COLEC12: variants seen among roughly 807,000 people sequenced by gnomAD.
The protein encoded by COLEC12 is collectin subfamily member 12, also known as collectin-12.
In COLEC12, 33 loss-of-function variants were observed where a neutral mutation model predicts 71.1. The observed-to-expected ratio is 0.46, with a 90% confidence interval of 0.35 to 0.62. COLEC12 has a LOEUF of 0.62. Among genes scored for constraint, COLEC12 ranks in the 20% least tolerant of loss-of-function variants. The pLI is 0.00. For synonymous variants in COLEC12, 350 were observed against 353.0 expected, an observed-to-expected ratio of 0.99 and a Z score of 0.10; for missense variants, 765 against 916.1, an observed-to-expected ratio of 0.84 and a Z score of 2.13.
At chr18:402,854 A>C (rs946312863) in intron 2 of COLEC12, among the ~76,000 whole-genome samples, 4 of 152,064 alleles carry the variant, frequency 2.6e-5, no homozygotes, top group Non-Finnish European at 5.9e-5. Flanking sequence ...TCTCTCAGGA[A>C]GAGTCAGTGT....
chr18:339,505 T>A (rs1914197163), intron 5 of COLEC12, among the ~76,000 whole-genome samples: 1 of 150,740 alleles, frequency 6.6e-6, no homozygotes, highest in Non-Finnish European at 1.5e-5. Flanking sequence ...TTGATAAAGA[T>A]CTCCAGTTCT....
intron 3 of COLEC12, among the ~76,000 whole-genome samples, chr18:356,350 T>A (rs1598336689): frequency 6.6e-6 from 1 of 152,170 alleles, no homozygotes; most frequent in African/African-American, 2.4e-5. Flanking sequence ...GCATGACCCC[T>A]GGCACAGTAG....
At chr18:387,004 T>G (rs11875619) in intron 2 of COLEC12, among the ~76,000 whole-genome samples, 13,479 of 152,176 alleles carry the variant, frequency 0.089, 672 homozygotes, top group South Asian at 0.11. Context: ...GAAGGTAGGG[T>G]GCCCACATTG....
At chr18:420,213 G>T (rs1488608188) in intron 2 of COLEC12, among the ~76,000 whole-genome samples, 5 of 152,114 alleles carry the variant, frequency 3.3e-5, no homozygotes, top group Non-Finnish European at 7.4e-5. Flanking sequence ...AAAATGCCTT[G>T]TTTCATGCAA....
chr18:368,586 C>T lies in COLEC12; in HGVS notation c.59-11064G>A, dbSNP rs531497788. ...GAGACTGTCAAAAACAAAACAAGGC[C>T]GGGCGCGGTGGCTCAGGCCTGTAAT... On this transcript the variant is annotated intron_variant, in intron 2 of 9. Transcript: ENST00000400256. 5.9e-5 allele frequency among the ~76,000 whole-genome samples: 9 copies of T among 151,724 alleles called. No homozygotes were observed. In the South Asian group the frequency reaches 1.5e-3, roughly 25 times the overall value.
At chr18:439,498 C>CTT (rs58885696) in intron 2 of COLEC12, among the ~76,000 whole-genome samples, 2,612 of 146,054 alleles carry the variant, frequency 0.018, 35 homozygotes, top group South Asian at 0.035. Context: ...AGCAGAGATT[C>CTT]TTTTTTTTTT....
At chr18:331,510 T>A (rs2143430175) in intron 8 of COLEC12, among the ~76,000 whole-genome samples, 158 bp downstream of exon 8, 1 of 152,250 alleles carries the variant, frequency 6.6e-6, no homozygotes, top group Admixed American at 6.5e-5. Flanking sequence ...AACCACGATT[T>A]CCCCAGGGGA....
intron 5 of COLEC12, among the ~76,000 whole-genome samples, chr18:340,995 C>T (rs1914239293): frequency 6.6e-6 from 1 of 152,168 alleles, no homozygotes. Flanking sequence ...GTCATGCCGT[C>T]TTGTTTGGGG....
Position 331,683 on chromosome 18 carries a change from G to T in COLEC12, c.2048C>A (p.Thr683Lys), listed in dbSNP as rs769351690. The T allele has an allele frequency of 6.2e-7, 1 of 1,609,104 alleles. No homozygotes were observed. The highest frequency in any genetic ancestry group is 1.1e-5 in the South Asian group (1 of 90,988). ...RENEWKWLDGTSPDYKNWKAG... is the reference protein window; with the variant it reads ...RENEWKWLDGKSPDYKNWKAG... ...GAGTACTTACTTGTAGTCTGGAGAT[G>T]TCCCATCCAGCCACTTCCATTCATT... The change falls in exon 8 of 10, where the codon ACA becomes AAA. Residue 683 changes from threonine (T) to lysine (K), a missense_variant. Physicochemically the swap from Thr to Lys is moderately conservative, Grantham distance 78. Coordinates refer to ENST00000400256, the MANE Select transcript of COLEC12 (RefSeq NM_130386.3).
In COLEC12 at chr18:347,258, G is replaced by A; in HGVS notation, c.364C>T (p.Leu122Phe). ...CTGGTTTTTTCTGTAATCTCACGAA[G>A]TTGCTGACGGAGATCTAGAATGTCT... is the stretch of plus-strand genomic sequence containing the variant. ...RSDILDLRQQ[L>F]REITEKTSKN... The change falls in exon 5 of 10, where the codon CTT (leucine) becomes TTT (phenylalanine). Residue 122 changes from leucine (L) to phenylalanine (F), a missense_variant. Coordinates refer to ENST00000400256, the MANE Select transcript of COLEC12 (RefSeq NM_130386.3). The A allele has an allele frequency of 6.2e-7, 1 of 1,614,174 alleles. No individual in the cohort carries two copies. The highest frequency in any genetic ancestry group is 1.7e-5 in the Admixed American group (1 of 60,022).
At chr18:343,072 C>G (rs1177975531) in intron 5 of COLEC12, among the ~76,000 whole-genome samples, 1 of 152,186 alleles carries the variant, frequency 6.6e-6, no homozygotes, top group Non-Finnish European at 1.5e-5. Context: ...AATCCATCAG[C>G]AGGTCCTGCC....
intron 5 of COLEC12, among the ~76,000 whole-genome samples, chr18:345,987 C>G (rs1914361581): frequency 6.6e-6 from 1 of 152,334 alleles, no homozygotes; most frequent in African/African-American, 2.4e-5. Flanking sequence ...ATTGTGAGGA[C>G]ACTCAAGCAA....
chr18:431,349 G>A (rs1304018037), intron 2 of COLEC12, among the ~76,000 whole-genome samples: 1 of 152,104 alleles, frequency 6.6e-6, no homozygotes, highest in Non-Finnish European at 1.5e-5. Flanking sequence ...GTTTGGATCA[G>A]AGTCTTCATA....
intron 2 of COLEC12, among the ~76,000 whole-genome samples, chr18:452,126 T>C (rs1316939708): frequency 6.6e-6 from 1 of 152,224 alleles, no homozygotes; most frequent in African/African-American, 2.4e-5. Context: ...TTAAGCAGAA[T>C]AGATATTGTT....
At chr18:470,532 A>C (rs1917174984) in intron 2 of COLEC12, among the ~76,000 whole-genome samples, 1 of 151,964 alleles carries the variant, frequency 6.6e-6, no homozygotes, top group Non-Finnish European at 1.5e-5. Context: ...ACCACCCCAG[A>C]GGCCAGGAAT....
chr18:433,781 T>C (rs940527557), intron 2 of COLEC12, among the ~76,000 whole-genome samples: 3 of 151,984 alleles, frequency 2.0e-5, no homozygotes, highest in Non-Finnish European at 2.9e-5. Context: ...CTGGGGAACA[T>C]GGCGAAACCC....
Position 317,902 on chromosome 18 carries a change from T to C in COLEC12, c.*2143A>G. The C allele has an allele frequency of 6.6e-6, 1 of 151,984 alleles. No homozygotes were observed. The highest frequency in any genetic ancestry group is 1.9e-4 in the East Asian group (1 of 5,176). 9.4% of individuals were successfully genotyped at this position (151,984 alleles called of 1,614,324 possible). On this transcript the variant is annotated 3_prime_UTR_variant, in exon 10 of 10. Transcript: ENST00000400256. ...TACTGGGCTGTGAAAACAGCATGAATGGGGAATGGAGACTGTGGGCAAAGC... is the reference window on the plus strand; with the variant it reads ...TACTGGGCTGTGAAAACAGCATGAACGGGGAATGGAGACTGTGGGCAAAGC...
At chr18:422,246 A>G (rs1258118029) in intron 2 of COLEC12, among the ~76,000 whole-genome samples, 1 of 152,226 alleles carries the variant, frequency 6.6e-6, no homozygotes, top group Admixed American at 6.5e-5. Flanking sequence ...CTTTAAGGGT[A>G]GAAAATACGC....
chr18:478,872 A>ATG (rs138971400), intron 2 of COLEC12, among the ~76,000 whole-genome samples: 9,519 of 144,448 alleles, frequency 0.066, 377 homozygotes, highest in Admixed American at 0.13. Context: ...AGTGGTTACC[A>ATG]TGTCTCCTGT....
Sources: gnomAD v4.1 joint callset for allele counts (sites outside exome capture counted in the v4.1 genomes callset) on GRCh38, gnomAD v4.1.1 for gene constraint, MANE v1.5 for transcripts, NCBI Gene and HGNC (gene_info 2026-07-23, HGNC 2026-07-21) for gene names.